VDAC1: variants seen among roughly 807,000 people sequenced by gnomAD.
The protein encoded by VDAC1 is non-selective voltage-gated ion channel VDAC1.
A neutral mutation model predicts 34.7 loss-of-function variants in VDAC1; 10 were observed. That is an observed-to-expected ratio of 0.29 (90% CI 0.18 to 0.49). The LOEUF (loss-of-function observed/expected upper bound fraction) is 0.49. Ranked by LOEUF, VDAC1 falls within the 20% of genes least tolerant of loss-of-function variation. The pLI, the probability that VDAC1 is intolerant of heterozygous loss-of-function variation, is 0.99. For synonymous variants in VDAC1, 130 were observed against 136.0 expected (o/e 0.96, Z 0.30); for missense variants, 230 against 347.9 (o/e 0.66, Z 2.69).
chr5:133,995,127 A>G (rs376763163), intron 1 of VDAC1, among the ~76,000 whole-genome samples: 132 of 152,298 alleles, frequency 8.7e-4, no homozygotes, highest in African/African-American at 3.0e-3. Flanking sequence ...AGCAAACATC[A>G]GCCTGAAGTA....
the VDAC1 span, among the ~76,000 whole-genome samples, chr5:134,020,369 C>G: frequency 6.6e-6 from 1 of 151,956 alleles, no homozygotes; most frequent in South Asian, 2.1e-4. Flanking sequence ...CCTGTTTACC[C>G]CTGAGGAAAT....
At position 133,976,006 on chromosome 5, in the gene VDAC1, C is replaced by T. The variant is rs757629575; in HGVS notation, c.567G>A (p.Glu189=). Residue 189 remains glutamate, a synonymous_variant, in exon 7 of 9, where the codon GAG becomes GAA. Transcript: ENST00000265333. ...CTTTCTGGTAAATGGAGCCGCCAAA[C>T]TCTGTCCCGTCATTCCTGCAAACAA... ...QLHTNVNDGT[E]FGGSIYQKVN... is the part of the protein sequence containing the mutation. The T allele has an allele frequency of 1.9e-6, 3 of 1,614,028 alleles. No individual in the cohort carries two copies. The highest frequency in any genetic ancestry group is 2.5e-6 in the Non-Finnish European group (3 of 1,180,008).
At chr5:134,045,575 A>G in the VDAC1 span, among the ~76,000 whole-genome samples, 2 of 151,938 alleles carry the variant, frequency 1.3e-5, no homozygotes, top group Non-Finnish European at 1.5e-5. Flanking sequence ...CCATTGTCTC[A>G]TCTCTTCTAA....
chr5:134,024,364 C>T, the VDAC1 span, among the ~76,000 whole-genome samples: 1 of 151,210 alleles, frequency 6.6e-6, no homozygotes, highest in East Asian at 2.0e-4. Flanking sequence ...CCTGTCTCTA[C>T]CAAAAAATAC....
chr5:134,100,323 G>A, the VDAC1 span, among the ~76,000 whole-genome samples: 1 of 152,186 alleles, frequency 6.6e-6, no homozygotes, highest in Non-Finnish European at 1.5e-5. Flanking sequence ...ATCTTACCCA[G>A]GCATTAAGCT....
chr5:134,036,005 C>CA, the VDAC1 span, among the ~76,000 whole-genome samples: 604 of 92,658 alleles, frequency 6.5e-3, 4 homozygotes, highest in African/African-American at 0.012. Flanking sequence ...GACTCCATCT[C>CA]AAAAAAAAAA....
chr5:134,112,671 A>G, the VDAC1 span, among the ~76,000 whole-genome samples: 7 of 152,376 alleles, frequency 4.6e-5, no homozygotes, highest in East Asian at 1.3e-3. Context: ...ATGAAAAAAA[A>G]CACTTGTCCC....
chr5:134,009,693 G>GT (rs1753802837), upstream of VDAC1, among the ~76,000 whole-genome samples: 1 of 150,588 alleles, frequency 6.6e-6, no homozygotes, highest in African/African-American at 2.4e-5. Context: ...GTTTTGTTTT[G>GT]TTTTTTGAGA....
At chr5:134,007,264 A>G (rs1419904614), upstream of VDAC1, among the ~76,000 whole-genome samples, 3 of 151,320 alleles carry the variant, frequency 2.0e-5, no homozygotes, top group Non-Finnish European at 2.9e-5. Context: ...AAAAGAAAAA[A>G]GAGTAGGCAC....
chr5:133,984,307 T>C lies in VDAC1; in HGVS notation c.324-3351A>G, dbSNP rs572083382. Among the ~76,000 whole-genome samples the C allele has an allele frequency of 7.0e-4, 106 of 152,106 alleles. 1 individual carries two copies. The Middle Eastern group carries it at 0.014, about 20-fold the overall frequency. ...AACTCCTGGGCTCAAGCAATCTGCC[T>C]GCCTTAGCCTCCCAAAATGCTGGGA... On this transcript the variant is annotated intron_variant, in intron 5 of 8. Coordinates refer to ENST00000265333, the MANE Select transcript of VDAC1 (RefSeq NM_003374.3).
the VDAC1 span, among the ~76,000 whole-genome samples, chr5:134,103,986 C>A: frequency 2.2e-4 from 33 of 152,320 alleles, no homozygotes; most frequent in African/African-American, 7.7e-4. Context: ...CTTCTCAGAA[C>A]CAGATGCCAG....
the VDAC1 span, among the ~76,000 whole-genome samples, chr5:134,054,458 CTTTT>C: frequency 6.4e-3 from 786 of 123,560 alleles, 8 homozygotes; most frequent in African/African-American, 0.022. Context: ...TCCTTCCTTC[CTTTT>C]TTTTTTTTTT....
the VDAC1 span, among the ~76,000 whole-genome samples, chr5:134,113,862 G>T: frequency 6.6e-6 from 1 of 152,256 alleles, no homozygotes; most frequent in Admixed American, 6.5e-5. Context: ...GACTTCTAGG[G>T]TTGAGTTGCT....
intron 5 of VDAC1, among the ~76,000 whole-genome samples, chr5:133,982,301 CAG>C (rs1450477913): frequency 2.0e-5 from 3 of 152,048 alleles, no homozygotes; most frequent in Admixed American, 6.5e-5. Context: ...ATCACAAGGT[CAG>C]AAGTTCGAGA....
chr5:134,039,322 G>T, the VDAC1 span, among the ~76,000 whole-genome samples: 1 of 152,156 alleles, frequency 6.6e-6, no homozygotes, highest in East Asian at 1.9e-4. Context: ...GACATGCGTG[G>T]TTTTTTATTT....
chr5:134,098,790 C>T, the VDAC1 span, among the ~76,000 whole-genome samples: 2 of 152,258 alleles, frequency 1.3e-5, no homozygotes, highest in African/African-American at 4.8e-5. Context: ...CTGAGGGGCC[C>T]TCCCAGAGGG....
At position 133,972,253 on chromosome 5, in the gene VDAC1, A is replaced by G. The variant is rs1318747450; in HGVS notation, c.*518T>C. 2 of 197,472 alleles carry G rather than the reference A, an allele frequency of 1.0e-5. No homozygotes were observed. The highest frequency in any genetic ancestry group is 2.0e-5 in the Non-Finnish European group (2 of 98,242). The allele number at this position is 197,472 out of a possible 1,614,324, so 12.2% of individuals were successfully genotyped here. On this transcript the variant is annotated 3_prime_UTR_variant, in exon 9 of 9. Coordinates refer to ENST00000265333, the MANE Select transcript of VDAC1 (RefSeq NM_003374.3). ...ACCTTCTCCACCCCAAAATGGCACA[A>G]AAGAAACAGTTACCACACCCTGCAG...
At chr5:134,078,723 T>G in the VDAC1 span, among the ~76,000 whole-genome samples, 6 of 146,974 alleles carry the variant, frequency 4.1e-5, no homozygotes, top group East Asian at 4.1e-4. Context: ...CGATCTTGGC[T>G]CACTGAGACC....
At chr5:134,072,398 T>C in the VDAC1 span, among the ~76,000 whole-genome samples, 1 of 152,118 alleles carries the variant, frequency 6.6e-6, no homozygotes, top group African/African-American at 2.4e-5. Flanking sequence ...TCTCACAGGA[T>C]TTGTGGTCAC....
Sources: allele counts gnomAD v4.1 joint callset (sites outside exome capture counted in the v4.1 genomes callset), GRCh38; gene constraint gnomAD v4.1.1; transcripts MANE v1.5; gene names NCBI Gene and HGNC (gene_info 2026-07-23, HGNC 2026-07-21).